The following ROBO1 variants were observed in gnomAD, a reference collection of about 807,000 sequenced individuals.
ROBO1 encodes the protein roundabout homolog 1.
In ROBO1, 149 loss-of-function variants were observed where a neutral mutation model predicts 195.9. The ratio of observed to expected loss-of-function variants is 0.76; its 90% CI spans 0.67 to 0.87. The LOEUF is 0.87. Ranked by LOEUF, ROBO1 falls within the 40% of genes least tolerant of loss-of-function variation. The probability of loss-of-function intolerance (pLI) is 0.00; values close to 1 mark genes in which losing one functional copy is unlikely to be tolerated. For synonymous variants in ROBO1, 816 were observed against 733.2 expected, an observed-to-expected ratio of 1.11 and a Z score of -1.82; for missense variants, 1,933 against 2,068.3, an observed-to-expected ratio of 0.93 and a Z score of 1.27.
intron 4 of ROBO1, among the ~76,000 whole-genome samples, chr3:78,831,257 G>A (rs536718719): frequency 1.5e-4 from 23 of 152,016 alleles, no homozygotes; most frequent in African/African-American, 4.8e-4. Flanking sequence ...CCAGACAAAT[G>A]GGAAACTCTG....
At chr3:79,587,552 T>C (rs1266710882) in intron 2 of ROBO1, among the ~76,000 whole-genome samples, 1 of 151,756 alleles carries the variant, frequency 6.6e-6, no homozygotes, top group African/African-American at 2.4e-5. Context: ...TTATTAGAAA[T>C]ACATTTCTGA....
chr3:79,410,612 AAAAG>A (rs778288697), intron 2 of ROBO1, among the ~76,000 whole-genome samples: 9 of 148,382 alleles, frequency 6.1e-5, no homozygotes, highest in Admixed American at 2.7e-4. Flanking sequence ...AGAAAGAAAG[AAAAG>A]AAAGGAAGGA....
intron 2 of ROBO1, among the ~76,000 whole-genome samples, chr3:79,456,051 A>G (rs1301708228): frequency 6.6e-6 from 1 of 152,122 alleles, no homozygotes; most frequent in East Asian, 1.9e-4. Context: ...TTTGGTGTTC[A>G]TGCTCAGGCA....
intron 27 of ROBO1, among the ~76,000 whole-genome samples, chr3:78,615,663 C>T (rs1055100838): frequency 2.0e-5 from 3 of 152,134 alleles, no homozygotes; most frequent in African/African-American, 2.4e-5. Flanking sequence ...TCTAGAAATT[C>T]TAGTCACAAA....
At chr3:79,171,182 ATAAAT>A (rs1442516061) in intron 2 of ROBO1, among the ~76,000 whole-genome samples, 6 of 150,062 alleles carry the variant, frequency 4.0e-5, no homozygotes, top group Admixed American at 4.0e-4. Context: ...AACAAAGCTT[ATAAAT>A]TAATAATTAC....
At chr3:78,800,108 C>G (rs996136185) in intron 4 of ROBO1, among the ~76,000 whole-genome samples, 1 of 152,178 alleles carries the variant, frequency 6.6e-6, no homozygotes, top group Non-Finnish European at 1.5e-5. Flanking sequence ...AGGATTTTAT[C>G]ATGGCATTCT....
At chr3:79,638,663 A>T (rs1945568040) in intron 1 of ROBO1, among the ~76,000 whole-genome samples, 1 of 152,210 alleles carries the variant, frequency 6.6e-6, no homozygotes, top group Non-Finnish European at 1.5e-5. Context: ...AAGGAAGAGT[A>T]AAAGAAGAGA....
intron 2 of ROBO1, among the ~76,000 whole-genome samples, chr3:79,301,810 C>A (rs1253256919): frequency 6.6e-6 from 1 of 152,082 alleles, no homozygotes; most frequent in African/African-American, 2.4e-5. Context: ...ATGAATTGTG[C>A]AATATTGGGC....
At chr3:79,385,504 C>T (rs2036709147) in intron 2 of ROBO1, among the ~76,000 whole-genome samples, 1 of 152,072 alleles carries the variant, frequency 6.6e-6, no homozygotes, top group Non-Finnish European at 1.5e-5. Context: ...ATCTTCATGC[C>T]TTTATGTGTT....
intron 3 of ROBO1, among the ~76,000 whole-genome samples, chr3:79,053,668 C>A (rs143993333): frequency 1.2e-4 from 19 of 152,016 alleles, no homozygotes; most frequent in Admixed American, 4.6e-4. Context: ...CCTTCTGCTC[C>A]CCCAATACCC....
chr3:79,736,226 A>G (rs1028502348), intron 1 of ROBO1, among the ~76,000 whole-genome samples: 3 of 152,178 alleles, frequency 2.0e-5, no homozygotes, highest in Non-Finnish European at 4.4e-5. Flanking sequence ...GGTGTAACGG[A>G]GCTTGATGCA....
At position 78,696,653 on chromosome 3, in the gene ROBO1, CACATATATAT is replaced by C. The variant is rs201312698; in HGVS notation, c.1046-7891_1046-7882del. 2.9e-3 allele frequency among the ~76,000 whole-genome samples: 429 copies of C among 145,878 alleles called. 3 individuals are homozygous for C. The highest frequency in any genetic ancestry group is 9.9e-3 in the African/African-American group (399 of 40,154). On this transcript the variant is annotated intron_variant, in intron 8 of 30. Transcript: ENST00000464233. The stretch of plus-strand genomic sequence containing the variant: ...CTACATGCATATATATATATATATA[CACATATATAT>C]ACACATATATATACATGTATACATA...
intron 1 of ROBO1, among the ~76,000 whole-genome samples, chr3:79,659,785 A>T (rs1946277617): frequency 6.6e-6 from 1 of 152,032 alleles, no homozygotes; most frequent in Non-Finnish European, 1.5e-5. Flanking sequence ...GCCCCCTCTA[A>T]CAATGGCCAC....
chr3:79,411,016 T>C (rs781467211), intron 2 of ROBO1, among the ~76,000 whole-genome samples: 17 of 152,186 alleles, frequency 1.1e-4, no homozygotes, highest in Non-Finnish European at 1.8e-4. Flanking sequence ...TTTCTGAACA[T>C]TCAGCAACAT....
At chr3:79,141,048 A>C (rs2080513962) in intron 2 of ROBO1, among the ~76,000 whole-genome samples, 1 of 152,174 alleles carries the variant, frequency 6.6e-6, no homozygotes, top group Non-Finnish European at 1.5e-5. Context: ...AGATTTCTTC[A>C]CTGTTAGGAT....
In ROBO1 at chr3:79,125,495, G is replaced by T. The variant is rs758703900; in HGVS notation, c.133C>A (p.Pro45Thr). 2 of 1,613,634 alleles carry T rather than the reference G, an allele frequency of 1.2e-6. No individual in the cohort carries two copies. Among genetic ancestry groups the T allele is most frequent in the South Asian group, 2.2e-5 (2 of 91,010 alleles). The part of the protein sequence containing the change: ...ERGNDHGTPI[P>T]TSDNDDNSLG... ...GAATTGTCATCGTTATCAGAGGTGG[G>T]GATTGGCGTCCCGTGGTCGTTCCCC... is the stretch of plus-strand genomic sequence containing the variant. The change falls in exon 3 of 31, where the codon CCC becomes ACC. Residue 45 changes from proline (P) to threonine (T), a missense_variant. By Grantham distance (38) the Pro-to-Thr change is conservative. Transcript: ENST00000464233.
chr3:78,711,323 C>CCCCT lies in ROBO1; in HGVS notation c.1045+3073_1045+3074insAGGG, dbSNP rs1559772368. On this transcript the variant is annotated intron_variant, in intron 8 of 30. Transcript: ENST00000464233. ...TCTTTCTTTCTTTCTTTCTCTCTCT[C>CCCCT]TCTCCTTCCTTCCTTCCTTCCTTCC... Among the ~76,000 whole-genome samples, 27 of 137,302 alleles carry CCCCT rather than the reference C, an allele frequency of 2.0e-4. 1 individual carries two copies. Among genetic ancestry groups the CCCCT allele is most frequent in the African/African-American group, 7.3e-4 (26 of 35,702 alleles). 90.1% of individuals were successfully genotyped at this position (137,302 alleles called of 152,430 possible). A position where few individuals can be genotyped will look rare whatever the true frequency, so the allele number is the denominator to read the frequency against.
chr3:79,080,287 G>T (rs965486108), intron 3 of ROBO1, among the ~76,000 whole-genome samples: 1 of 151,540 alleles, frequency 6.6e-6, no homozygotes, highest in Non-Finnish European at 1.5e-5. Context: ...TAGTCATTTA[G>T]TAATTCACTA....
intron 10 of ROBO1, among the ~76,000 whole-genome samples, chr3:78,677,202 C>T (rs964830402): frequency 6.6e-6 from 1 of 152,130 alleles, no homozygotes; most frequent in Non-Finnish European, 1.5e-5. Flanking sequence ...ACAACCAGTA[C>T]CAGCCACTGC....
Sources: allele counts gnomAD v4.1 joint callset (sites outside exome capture counted in the v4.1 genomes callset), GRCh38; gene constraint gnomAD v4.1.1; transcripts MANE v1.5; gene names NCBI Gene and HGNC (gene_info 2026-07-23, HGNC 2026-07-21).